Variants in FAM83B observed in about 807,000 individuals in gnomAD.
FAM83B encodes the protein scaffolding CK1 anchoring protein B.
A neutral mutation model predicts 38.8 loss-of-function variants in FAM83B; 26 were observed. That is an observed-to-expected ratio of 0.67 (90% CI 0.49 to 0.93). The LOEUF (loss-of-function observed/expected upper bound fraction) is 0.93. Among genes scored for constraint, FAM83B ranks in the 40% least tolerant of loss-of-function variants. FAM83B has a pLI of 0.00. For synonymous variants in FAM83B, 419 were observed against 423.1 expected (o/e 0.99, Z 0.12); for missense variants, 1,237 against 1,197.3 (o/e 1.03, Z -0.49).
chr6:54,872,023 A>G (rs903317558), intron 2 of FAM83B, among the ~76,000 whole-genome samples: 2 of 152,174 alleles, frequency 1.3e-5, no homozygotes, highest in Non-Finnish European at 2.9e-5. Flanking sequence ...ACAATAATGT[A>G]GAGAGACACA....
intron 2 of FAM83B, among the ~76,000 whole-genome samples, chr6:54,878,587 TAGA>T (rs1262318106): frequency 1.3e-5 from 2 of 152,092 alleles, no homozygotes; most frequent in South Asian, 2.1e-4. Context: ...TCTTGTTTTT[TAGA>T]AGAAGAGCAG....
rs574438177 is a variant in FAM83B at position 54,881,524 on chromosome 6, C to T, written c.444+10834C>T. 7.9e-5 allele frequency among the ~76,000 whole-genome samples: 12 copies of T among 151,874 alleles called. No homozygotes were observed. The East Asian group carries it at 2.1e-3, about 27-fold the overall frequency. On this transcript the variant is annotated intron_variant, in intron 2 of 4. Coordinates refer to ENST00000306858, the MANE Select transcript of FAM83B (RefSeq NM_001010872.3). ...AAAACATTGTCATTTGGCTAAATAT[C>T]AATCCAATATACGCTGCTGAAAAAA...
In FAM83B at chr6:54,912,875, A is replaced by G. The variant is rs73431474; in HGVS notation, c.445-13496A>G. Among the ~76,000 whole-genome samples the G allele has an allele frequency of 8.9e-3, 1,356 of 152,142 alleles. 23 individuals carry two copies. Among genetic ancestry groups the G allele is most frequent in the African/African-American group, 0.031 (1,289 of 41,544 alleles). On this transcript the variant is annotated intron_variant, in intron 2 of 4. Coordinates refer to ENST00000306858, the MANE Select transcript of FAM83B (RefSeq NM_001010872.3). Reference sequence around the variant, plus strand: ...AGAAGAATGAGGAATAGTGGAGTGAAATAAACAGGAGATTAGGTAGATAGA... The same window carrying G: ...AGAAGAATGAGGAATAGTGGAGTGAGATAAACAGGAGATTAGGTAGATAGA...
At chr6:54,895,307 C>G (rs1772503331) in intron 2 of FAM83B, among the ~76,000 whole-genome samples, 1 of 152,202 alleles carries the variant, frequency 6.6e-6, no homozygotes, top group African/African-American at 2.4e-5. Flanking sequence ...GGTCTTGGGA[C>G]AGATTCAATA....
rs1311466882 is a variant in FAM83B, at chr6:54,943,046, G to A, written c.*1039G>A. ...GCCTCCTGAGTAGCTGGGATTACAG[G>A]TGCGCACCACCACACCCGGCTAATT... On this transcript the variant is annotated 3_prime_UTR_variant, in exon 5 of 5. Coordinates refer to ENST00000306858, the MANE Select transcript of FAM83B (RefSeq NM_001010872.3). 2 of 151,958 alleles carry A rather than the reference G, an allele frequency of 1.3e-5. No homozygotes were observed. The highest frequency in any genetic ancestry group is 2.9e-5 in the Non-Finnish European group (2 of 68,072). 9.4% of individuals were successfully genotyped at this position (151,958 alleles called of 1,614,324 possible).
At chr6:54,920,169 A>AT (rs908809704) in intron 2 of FAM83B, among the ~76,000 whole-genome samples, 86 of 148,676 alleles carry the variant, frequency 5.8e-4, no homozygotes, top group South Asian at 3.6e-3. Flanking sequence ...TATCAGCCTC[A>AT]TTTTTTTTTT....
chr6:54,861,103 T>G (rs780761290), intron 1 of FAM83B, among the ~76,000 whole-genome samples: 1 of 152,230 alleles, frequency 6.6e-6, no homozygotes, highest in African/African-American at 2.4e-5. Context: ...ATTTATTTTT[T>G]AGTAGTCTCT....
intron 2 of FAM83B, among the ~76,000 whole-genome samples, chr6:54,899,768 A>G (rs78920130): frequency 0.036 from 5,416 of 152,254 alleles, 310 homozygotes; most frequent in African/African-American, 0.12. Context: ...GGATCCCAAC[A>G]TAAGAATTCG....
intron 1 of FAM83B, among the ~76,000 whole-genome samples, chr6:54,868,364 G>T (rs947123308): frequency 6.6e-6 from 1 of 152,106 alleles, no homozygotes; most frequent in Non-Finnish European, 1.5e-5. Flanking sequence ...TCCAGATGTT[G>T]TCAGATGAGG....
In FAM83B at chr6:54,927,547, T is replaced by C. The variant is rs920129126; in HGVS notation, c.649T>C (p.Ser217Pro). ...AACAGTAAAAGGCCAAGATTATCTTTCAAAAACAGGGGCAAAATTCCATGG... is the reference window on the plus strand; with the variant it reads ...AACAGTAAAAGGCCAAGATTATCTTCCAAAAACAGGGGCAAAATTCCATGG... ...VRTVKGQDYL[S>P]KTGAKFHGKM... is the part of the protein sequence containing the mutation. Residue 217 changes from serine to proline, a missense_variant, in exon 4 of 5, where the codon TCA becomes CCA. Physicochemically the swap from Ser to Pro is moderately conservative, Grantham distance 74. Transcript: ENST00000306858. The C allele has an allele frequency of 6.2e-7, 1 of 1,608,754 alleles. No individual in the cohort carries two copies. Among genetic ancestry groups the C allele is most frequent in the South Asian group, 1.1e-5 (1 of 90,390 alleles).
chr6:54,865,849 G>A (rs1408907132), intron 1 of FAM83B, among the ~76,000 whole-genome samples: 3 of 151,870 alleles, frequency 2.0e-5, no homozygotes, highest in African/African-American at 7.3e-5. Context: ...GTTACAAATT[G>A]TATGATATTG....
chr6:54,882,258 T>A (rs1456423576), intron 2 of FAM83B, among the ~76,000 whole-genome samples: 1 of 152,192 alleles, frequency 6.6e-6, no homozygotes, highest in East Asian at 1.9e-4. Flanking sequence ...GCTTCTCTAG[T>A]GGGTAGGAGA....
chr6:54,862,847 G>A (rs995103862), intron 1 of FAM83B, among the ~76,000 whole-genome samples: 1 of 151,016 alleles, frequency 6.6e-6, no homozygotes, highest in African/African-American at 2.4e-5. Flanking sequence ...TCGCGCCATT[G>A]CACTCCAGGC....
intron 2 of FAM83B, among the ~76,000 whole-genome samples, chr6:54,875,099 C>G (rs145506289): frequency 6.6e-6 from 1 of 152,132 alleles, no homozygotes; most frequent in Non-Finnish European, 1.5e-5. Context: ...GTCATTGTAC[C>G]TCCTCAAGTT....
chr6:54,920,392 C>G lies in FAM83B; in HGVS notation c.445-5979C>G, dbSNP rs570759452. Reference sequence around the variant, plus strand: ...TTTCTTCTGCTGAAAAAAATAAATCCTCCTATCTCTATTTAGGCAATTACA... The same window carrying G: ...TTTCTTCTGCTGAAAAAAATAAATCGTCCTATCTCTATTTAGGCAATTACA... On this transcript the variant is annotated intron_variant, in intron 2 of 4. Transcript: ENST00000306858. Among the ~76,000 whole-genome samples, 181 of 151,720 alleles carry G rather than the reference C, an allele frequency of 1.2e-3. 1 individual carries two copies. Among genetic ancestry groups the G allele is most frequent in the African/African-American group, 4.2e-3 (173 of 41,460 alleles).
intron 2 of FAM83B, among the ~76,000 whole-genome samples, chr6:54,915,497 C>T (rs1490873725): frequency 6.6e-6 from 1 of 152,152 alleles, no homozygotes; most frequent in East Asian, 1.9e-4. Flanking sequence ...CCTAACTCCT[C>T]TACCTACTGG....
chr6:54,939,992 G>A lies in FAM83B; in HGVS notation c.1021G>A (p.Gly341Arg). The stretch of plus-strand genomic sequence containing the variant: ...AGATTCCAGTTACTTCAAAAACAGA[G>A]GGATATATACTTTAAATGAACATGA... The part of the protein sequence containing the change: ...KLDSSYFKNR[G>R]IYTLNEHDKY... The change falls in exon 5 of 5, where the codon GGG becomes AGG. Residue 341 changes from glycine to arginine, a missense_variant. Physicochemically the swap from Gly to Arg is moderately radical, Grantham distance 125 (BLOSUM62 -2). Coordinates refer to ENST00000306858, the MANE Select transcript of FAM83B (RefSeq NM_001010872.3). 3.1e-6 allele frequency: 5 copies of A among 1,613,974 alleles called. No individual in the cohort carries two copies. Among genetic ancestry groups the A allele is most frequent in the Non-Finnish European group, 4.2e-6 (5 of 1,179,956 alleles).
intron 2 of FAM83B, among the ~76,000 whole-genome samples, chr6:54,915,421 C>G (rs1482198848): frequency 4.6e-5 from 7 of 152,296 alleles, no homozygotes; most frequent in African/African-American, 1.7e-4. Context: ...AACTTTACCT[C>G]CAACCCTTTT....
At chr6:54,866,083 C>T (rs1025032110) in intron 1 of FAM83B, among the ~76,000 whole-genome samples, 13 of 151,642 alleles carry the variant, frequency 8.6e-5, no homozygotes, top group African/African-American at 3.1e-4. Context: ...CTACATCTGC[C>T]CAAACTGAGG....
Sources: allele counts gnomAD v4.1 joint callset (sites outside exome capture counted in the v4.1 genomes callset), GRCh38; gene constraint gnomAD v4.1.1; transcripts MANE v1.5; gene names NCBI Gene and HGNC (gene_info 2026-07-23, HGNC 2026-07-21).